The following CACNG3 variants were observed in gnomAD, a reference collection of about 807,000 sequenced individuals.
CACNG3 encodes calcium voltage-gated channel auxiliary subunit gamma 3.
In CACNG3, 3 loss-of-function variants were observed where a neutral mutation model predicts 28.5. That is an observed-to-expected ratio of 0.11 (90% CI 0.05 to 0.27). The LOEUF (loss-of-function observed/expected upper bound fraction) is 0.27, where lower values mean the gene tolerates loss of function less well. Ranked by LOEUF, CACNG3 falls within the 10% of genes least tolerant of loss-of-function variation. The pLI is 1.00. For missense variants in CACNG3, 236 were observed against 414.4 expected, an observed-to-expected ratio of 0.57 and a Z score of 3.74; for synonymous variants, 174 against 162.2, an observed-to-expected ratio of 1.07 and a Z score of -0.55.
chr16:24,343,023 C>G, intron 1 of CACNG3, among the ~76,000 whole-genome samples: 1 of 152,024 alleles, frequency 6.6e-6, no homozygotes, highest in South Asian at 2.1e-4. Flanking sequence ...AACCCTTTCT[C>G]TACTAAAAAT....
chr16:24,334,383 C>T (rs1899672859), intron 1 of CACNG3, among the ~76,000 whole-genome samples: 1 of 152,120 alleles, frequency 6.6e-6, no homozygotes, highest in African/African-American at 2.4e-5. Flanking sequence ...AGCCCTCACT[C>T]TGAGCACATC....
chr16:24,317,696 G>GAA (rs1189420496), intron 1 of CACNG3, among the ~76,000 whole-genome samples: 94 of 108,624 alleles, frequency 8.7e-4, no homozygotes, highest in African/African-American at 3.7e-3. Context: ...AAGAAAGAAA[G>GAA]AAAGAAAGAA....
At chr16:24,348,311 G>A (rs186934893) in intron 2 of CACNG3, among the ~76,000 whole-genome samples, 31 of 152,194 alleles carry the variant, frequency 2.0e-4, no homozygotes, top group African/African-American at 7.2e-4. Flanking sequence ...GCTGAGGTGG[G>A]AGGATTGCTT....
chr16:24,261,785 G>A (rs995264984), intron 1 of CACNG3, among the ~76,000 whole-genome samples: 7 of 152,058 alleles, frequency 4.6e-5, no homozygotes, highest in African/African-American at 7.2e-5. Flanking sequence ...CAAACATCTC[G>A]CTGAAAAACT....
chr16:24,318,425 C>G (rs1899415573), intron 1 of CACNG3, among the ~76,000 whole-genome samples: 1 of 152,204 alleles, frequency 6.6e-6, no homozygotes, highest in Admixed American at 6.5e-5. Flanking sequence ...GTCCTGACCT[C>G]AGGTGATTCT....
Position 24,301,043 on chromosome 16 carries a change from C to CAAA in CACNG3, c.211+44094_211+44096dup, listed in dbSNP as rs71381659. ...GGGTGACAAGAGCAAGGCTCCATCT[C>CAAA]AAAAAAAAAAAAAAAAAATTAGTCT... is the stretch of plus-strand genomic sequence containing the variant. On this transcript the variant is annotated intron_variant, in intron 1 of 3. Transcript: ENST00000005284. 7.9e-3 allele frequency among the ~76,000 whole-genome samples: 827 copies of CAAA among 104,652 alleles called. 18 individuals carry two copies. The highest frequency in any genetic ancestry group is 0.026 in the African/African-American group (747 of 28,386). The allele number at this position is 104,652 out of a possible 152,430, so 68.7% of individuals were successfully genotyped here.
At chr16:24,322,702 G>A (rs902223247) in intron 1 of CACNG3, among the ~76,000 whole-genome samples, 2 of 151,992 alleles carry the variant, frequency 1.3e-5, no homozygotes, top group Admixed American at 6.6e-5. Flanking sequence ...AACCCACAGA[G>A]GTTCCTTAAA....
chr16:24,268,941 T>C (rs1349029575), intron 1 of CACNG3, among the ~76,000 whole-genome samples: 4 of 152,194 alleles, frequency 2.6e-5, no homozygotes, highest in East Asian at 3.9e-4. Flanking sequence ...CTCTGTAACA[T>C]AGACGATGCG....
At chr16:24,272,256 T>A (rs906955578) in intron 1 of CACNG3, among the ~76,000 whole-genome samples, 7 of 152,176 alleles carry the variant, frequency 4.6e-5, no homozygotes, top group African/African-American at 1.7e-4. Flanking sequence ...GTTCTCAATA[T>A]AAATGTTTAA....
chr16:24,318,125 C>A (rs1464613446), intron 1 of CACNG3, among the ~76,000 whole-genome samples: 2 of 152,306 alleles, frequency 1.3e-5, no homozygotes, highest in Non-Finnish European at 2.9e-5. Context: ...AGCTTTGTCC[C>A]TCAGCATCCC....
At chr16:24,265,389 AAG>A (rs1272275906) in intron 1 of CACNG3, among the ~76,000 whole-genome samples, 1 of 151,158 alleles carries the variant, frequency 6.6e-6, no homozygotes, top group Non-Finnish European at 1.5e-5. Flanking sequence ...AAAGAAAAGA[AAG>A]AAGAAAGAAA....
At chr16:24,345,122 G>A (rs1899843254) in intron 1 of CACNG3, among the ~76,000 whole-genome samples, 1 of 152,166 alleles carries the variant, frequency 6.6e-6, no homozygotes, top group Non-Finnish European at 1.5e-5. Context: ...CATGCCTAGA[G>A]CTTTGCAAAA....
chr16:24,338,637 G>C (rs1268758986), intron 1 of CACNG3, among the ~76,000 whole-genome samples: 1 of 152,070 alleles, frequency 6.6e-6, no homozygotes, highest in African/African-American at 2.4e-5. Flanking sequence ...GAGCCACCAT[G>C]CCCAGCCCCA....
intron 1 of CACNG3, among the ~76,000 whole-genome samples, chr16:24,311,609 A>G (rs901421006): frequency 6.6e-6 from 1 of 152,128 alleles, no homozygotes; most frequent in African/African-American, 2.4e-5. Context: ...TAATCCCAAC[A>G]CTTTGGGAGG....
chr16:24,284,734 A>G (rs764927214), intron 1 of CACNG3, among the ~76,000 whole-genome samples: 23 of 152,134 alleles, frequency 1.5e-4, no homozygotes, highest in Non-Finnish European at 3.2e-4. Flanking sequence ...TTTAACCTAG[A>G]TTTAAAAATC....
chr16:24,332,826 T>C (rs556317318), intron 1 of CACNG3, among the ~76,000 whole-genome samples: 41 of 152,238 alleles, frequency 2.7e-4, no homozygotes, highest in Admixed American at 9.2e-4. Context: ...TTTAACACTC[T>C]GCAATTCGCG....
chr16:24,356,397 C>T (rs907441744), intron 3 of CACNG3, among the ~76,000 whole-genome samples: 25 of 152,150 alleles, frequency 1.6e-4, no homozygotes, highest in African/African-American at 6.0e-4. Context: ...TATAACATGG[C>T]AAATGATAAT....
intron 1 of CACNG3, among the ~76,000 whole-genome samples, chr16:24,312,554 A>G (rs186027880): frequency 5.9e-5 from 9 of 152,250 alleles, no homozygotes; most frequent in Admixed American, 1.3e-4. Flanking sequence ...GGTGGCTCAC[A>G]CCTATAATCC....
At chr16:24,323,689 T>C (rs1048744380) in intron 1 of CACNG3, among the ~76,000 whole-genome samples, 2 of 152,150 alleles carry the variant, frequency 1.3e-5, no homozygotes, top group Admixed American at 1.3e-4. Context: ...AATAGACAAA[T>C]GGAGTCATTA....
Sources: allele counts gnomAD v4.1 joint callset (sites outside exome capture counted in the v4.1 genomes callset), GRCh38; gene constraint gnomAD v4.1.1; transcripts MANE v1.5; gene names NCBI Gene and HGNC (gene_info 2026-07-23, HGNC 2026-07-21).